KCNQ1: variants seen among roughly 807,000 people sequenced by gnomAD.
The protein encoded by KCNQ1 is potassium voltage-gated channel subfamily KQT member 1.
In KCNQ1, 49 loss-of-function variants were observed where a neutral mutation model predicts 72.4. That is an observed-to-expected ratio of 0.68 (90% confidence interval 0.54 to 0.86). KCNQ1 has a LOEUF of 0.86. KCNQ1 is among the 40% of genes least tolerant of loss of function. KCNQ1 has a pLI of 0.00. For synonymous variants in KCNQ1, 450 were observed against 412.6 expected (o/e 1.09, Z -1.10); for missense variants, 790 against 945.1 (o/e 0.84, Z 2.15).
intron 2 of KCNQ1, among the ~76,000 whole-genome samples, chr11:2,554,068 T>A (rs1327580077): frequency 6.6e-6 from 1 of 152,220 alleles, no homozygotes; most frequent in Non-Finnish European, 1.5e-5. Context: ...TTCGGTTGTG[T>A]GTAGAACTTC....
At position 2,579,515 on chromosome 11, in the gene KCNQ1, T is replaced by C. The variant is rs1316487185; in HGVS notation, c.922-3920T>C. ...GGACTAATCCCCAGCATGGTGACCA[T>C]AAAACAGCCCATTCCTGAGCTGCCT... On this transcript the variant is annotated intron_variant, in intron 6 of 15. Transcript: ENST00000155840. This position sits in a 1 kb window ranked among gnomAD's most constrained non-coding sequence, Gnocchi z 6.0. 6.6e-6 allele frequency among the ~76,000 whole-genome samples: 1 copy of C among 152,134 alleles called. No homozygotes were observed. Among genetic ancestry groups the C allele is most frequent in the East Asian group, 1.9e-4 (1 of 5,192 alleles).
At position 2,657,538 on chromosome 11, in the gene KCNQ1, T is replaced by C. The variant is rs1849871491; in HGVS notation, c.1394-4423T>C. On this transcript the variant is annotated intron_variant, in intron 10 of 15. Transcript: ENST00000155840. The surrounding 1 kb of genome is among the most constrained non-coding windows in gnomAD (Gnocchi z 4.8). ...ACAAAAATAGTACCGAGTACCCACATCCCTTTCACCAGCTTCCCCTAATGT... is the reference window on the plus strand; with the variant it reads ...ACAAAAATAGTACCGAGTACCCACACCCCTTTCACCAGCTTCCCCTAATGT... 2.5e-6 allele frequency: 1 copy of C among 398,476 alleles called. No individual in the cohort carries two copies. Among genetic ancestry groups the C allele is most frequent in the Non-Finnish European group, 4.4e-6 (1 of 226,066 alleles). The allele number at this position is 398,476 out of a possible 1,614,324, so 24.7% of individuals were successfully genotyped here.
chr11:2,541,025 A>G lies in KCNQ1; in HGVS notation c.477+13007A>G, dbSNP rs146647882. ...CGGATGGGCGTGTGGACGTATGCAC[A>G]CATAGGTACCCATGTGGACACACTC... On this transcript the variant is annotated intron_variant, in intron 2 of 15. Coordinates refer to ENST00000155840, the MANE Select transcript of KCNQ1 (RefSeq NM_000218.3). This position sits in a 1 kb window ranked among gnomAD's most constrained non-coding sequence, Gnocchi z 4.8. Among the ~76,000 whole-genome samples, 59 of 152,362 alleles carry G rather than the reference A, an allele frequency of 3.9e-4. No homozygotes were observed. Among genetic ancestry groups the G allele is most frequent in the African/African-American group, 1.4e-3 (57 of 41,594 alleles).
At chr11:2,823,598 C>T (rs989031612) in intron 15 of KCNQ1, among the ~76,000 whole-genome samples, 2 of 152,336 alleles carry the variant, frequency 1.3e-5, no homozygotes, top group East Asian at 3.9e-4. Context: ...GCAGCCCAGG[C>T]AGGAGCAGAG....
At chr11:2,705,708 C>A (rs1850898691) in intron 11 of KCNQ1, among the ~76,000 whole-genome samples, 1 of 152,232 alleles carries the variant, frequency 6.6e-6, no homozygotes, top group African/African-American at 2.4e-5. Flanking sequence ...ATTGCCACAG[C>A]CAGGGCCAAC....
chr11:2,582,137 G>T (rs1012497506), intron 6 of KCNQ1, among the ~76,000 whole-genome samples: 1 of 152,180 alleles, frequency 6.6e-6, no homozygotes, highest in African/African-American at 2.4e-5. Flanking sequence ...CTGGTTTCCC[G>T]CAATGTGGCC....
chr11:2,604,742 A>C (rs1034714400), intron 10 of KCNQ1, among the ~76,000 whole-genome samples: 2 of 151,928 alleles, frequency 1.3e-5, no homozygotes, highest in African/African-American at 2.4e-5. Flanking sequence ...ACAGGGTTTT[A>C]CCATGTTGGC....
intron 11 of KCNQ1, chr11:2,693,075 G>A (rs1850615048): frequency 2.5e-6 from 1 of 398,666 alleles, no homozygotes; most frequent in Non-Finnish European, 4.4e-6. Context: ...TAGCCATAGA[G>A]GGGAATGGCT....
intron 7 of KCNQ1, among the ~76,000 whole-genome samples, chr11:2,584,331 TTGTGTGTTAG>T (rs1211719408): frequency 1.3e-5 from 2 of 152,110 alleles, no homozygotes; most frequent in South Asian, 2.1e-4. Flanking sequence ...GTGTTAGTGT[TTGTGTGTTAG>T]TGTGGGTTAG....
At position 2,598,934 on chromosome 11, in the gene KCNQ1, T is replaced by A. The variant is rs118185271; in HGVS notation, c.1393+10080T>A. Among the ~76,000 whole-genome samples the A allele has an allele frequency of 3.9e-3, 588 of 152,370 alleles. 6 individuals carry two copies. Among genetic ancestry groups the A allele is most frequent in the South Asian group, 0.033 (161 of 4,830 alleles). ...GACCCATATGCAGCAAACAGTCTTG[T>A]GTCTCTGTCTGCTGCCAAATTGGCC... On this transcript the variant is annotated intron_variant, in intron 10 of 15. Coordinates refer to ENST00000155840, the MANE Select transcript of KCNQ1 (RefSeq NM_000218.3). This position sits in a 1 kb window ranked among gnomAD's most constrained non-coding sequence, Gnocchi z 6.2.
chr11:2,475,772 C>T lies in KCNQ1; in HGVS notation c.386+30288C>T, dbSNP rs991175663. 1.3e-5 allele frequency among the ~76,000 whole-genome samples: 2 copies of T among 152,120 alleles called. No homozygotes were observed. Among genetic ancestry groups the T allele is most frequent in the South Asian group, 2.1e-4 (1 of 4,820 alleles). ...TGTGCTGTTCTCGTAATAGTGAATA[C>T]GTCTCATAAGATCTGATGGTTTTAA... On this transcript the variant is annotated intron_variant, in intron 1 of 15. Coordinates refer to ENST00000155840, the MANE Select transcript of KCNQ1 (RefSeq NM_000218.3). The surrounding 1 kb of genome is among the most constrained non-coding windows in gnomAD (Gnocchi z 5.8).
Position 2,593,884 on chromosome 11 carries a change from GC to G in KCNQ1, c.1393+5032del, listed in dbSNP as rs1848702733. ...CACAGGATTAAATCCTGAATGCTTT[GC>G]CAGTTGAGATCAAAAGTCACCCCAA... On this transcript the variant is annotated intron_variant, in intron 10 of 15. Coordinates refer to ENST00000155840, the MANE Select transcript of KCNQ1 (RefSeq NM_000218.3). This position sits in a 1 kb window ranked among gnomAD's most constrained non-coding sequence, Gnocchi z 6.9. Among the ~76,000 whole-genome samples the G allele has an allele frequency of 1.3e-5, 2 of 152,124 alleles. No individual in the cohort carries two copies. The highest frequency in any genetic ancestry group is 2.1e-4 in the South Asian group (1 of 4,818).
chr11:2,618,213 G>A (rs913458381), intron 10 of KCNQ1: 9 of 398,310 alleles, frequency 2.3e-5, no homozygotes, highest in South Asian at 1.3e-4. Context: ...GTAAGGCAGC[G>A]ATATCAAATC....
At chr11:2,731,664 C>A (rs545840838) in intron 11 of KCNQ1, among the ~76,000 whole-genome samples, 2 of 152,334 alleles carry the variant, frequency 1.3e-5, no homozygotes, top group Middle Eastern at 3.4e-3. Context: ...GAATCACCCC[C>A]AGCAGCGCAC....
intron 1 of KCNQ1, among the ~76,000 whole-genome samples, chr11:2,459,987 G>C (rs1263805827): frequency 6.6e-6 from 1 of 152,178 alleles, no homozygotes; most frequent in African/African-American, 2.4e-5. Context: ...GTGAACCCCT[G>C]TTTCTCCTCT....
At chr11:2,561,597 C>T (rs145306665) in intron 2 of KCNQ1, among the ~76,000 whole-genome samples, 15 of 152,376 alleles carry the variant, frequency 9.8e-5, no homozygotes, top group Non-Finnish European at 1.9e-4. Flanking sequence ...CTGAGCTGCT[C>T]GTCTGGGTCC....
chr11:2,568,335 G>C (rs980291591), intron 2 of KCNQ1, among the ~76,000 whole-genome samples: 1 of 152,154 alleles, frequency 6.6e-6, no homozygotes, highest in Non-Finnish European at 1.5e-5. Context: ...ACCCTGCTAA[G>C]GGCCAGTCTG....
In KCNQ1 at chr11:2,698,694, C is replaced by G. The variant is rs1291337200; in HGVS notation, c.1514+36613C>G. ...CCCATTCAGAACCTCTACCCAAAGACAGACTCCAGACCCTGACTCCAGTCG... is the reference window on the plus strand; with the variant it reads ...CCCATTCAGAACCTCTACCCAAAGAGAGACTCCAGACCCTGACTCCAGTCG... On this transcript the variant is annotated intron_variant, in intron 11 of 15. Transcript: ENST00000155840. This position sits in a 1 kb window ranked among gnomAD's most constrained non-coding sequence, Gnocchi z 5.1. 4 of 398,848 alleles carry G rather than the reference C, an allele frequency of 1.0e-5. No homozygotes were observed. The highest frequency in any genetic ancestry group is 1.8e-5 in the Non-Finnish European group (4 of 226,210). 24.7% of individuals were successfully genotyped at this position (398,848 alleles called of 1,614,324 possible).
rs562695041 is a variant in KCNQ1, at chr11:2,509,114, AT to A, written c.387-18811del. Reference sequence around the variant, plus strand: ...TACAACACATGCCCCATACTGGGGAATTTGGGGGTCCCTGGGGGAAGGACTC... The same window carrying A: ...TACAACACATGCCCCATACTGGGGAATTGGGGGTCCCTGGGGGAAGGACTC... On this transcript the variant is annotated intron_variant, in intron 1 of 15. Transcript: ENST00000155840. This position sits in a 1 kb window ranked among gnomAD's most constrained non-coding sequence, Gnocchi z 6.3. Among the ~76,000 whole-genome samples the A allele has an allele frequency of 5.1e-4, 78 of 152,352 alleles. 1 individual carries two copies. In the South Asian group the frequency reaches 0.016, roughly 30 times the overall value.
Sources: allele counts gnomAD v4.1 joint callset (sites outside exome capture counted in the v4.1 genomes callset), GRCh38; gene constraint gnomAD v4.1.1; non-coding constraint Gnocchi (gnomAD v3.1); transcripts MANE v1.5; gene names NCBI Gene and HGNC (gene_info 2026-07-23, HGNC 2026-07-21).